The following SPOCK1 variants were observed in gnomAD, a reference collection of about 807,000 sequenced individuals.
SPOCK1 encodes SPARC (osteonectin), cwcv and kazal like domains proteoglycan 1.
SPOCK1 carries 23 observed loss-of-function variants against 55.3 expected under a neutral mutation model. That is an observed-to-expected ratio of 0.42 (90% CI 0.30 to 0.59). SPOCK1 has a LOEUF of 0.59. Among genes scored for constraint, SPOCK1 ranks in the 20% least tolerant of loss-of-function variants. The probability of loss-of-function intolerance (pLI) is 0.22; values close to 1 mark genes in which losing one functional copy is unlikely to be tolerated. For synonymous variants in SPOCK1, 226 were observed against 221.0 expected (o/e 1.02, Z -0.20); for missense variants, 499 against 552.5 (o/e 0.90, Z 0.97).
intron 3 of SPOCK1, among the ~76,000 whole-genome samples, chr5:137,209,893 TA>T: frequency 6.6e-6 from 1 of 152,358 alleles, no homozygotes. Context: ...AATCCATATT[TA>T]TGCTCTTGGG....
intron 4 of SPOCK1, among the ~76,000 whole-genome samples, chr5:137,112,837 A>T (rs1490176416): frequency 1.5e-5 from 2 of 135,464 alleles, no homozygotes; most frequent in Non-Finnish European, 3.2e-5. Flanking sequence ...TTTTTACAAC[A>T]CACAGAAAAA....
intron 2 of SPOCK1, among the ~76,000 whole-genome samples, chr5:137,335,163 G>T (rs1488273789): frequency 6.6e-6 from 1 of 152,160 alleles, no homozygotes; most frequent in Non-Finnish European, 1.5e-5. Context: ...TTCATCAACT[G>T]TATACTTAAA....
chr5:137,036,417 G>A (rs1383087774), intron 6 of SPOCK1, among the ~76,000 whole-genome samples: 3 of 152,046 alleles, frequency 2.0e-5, no homozygotes, highest in Non-Finnish European at 2.9e-5. Flanking sequence ...ATCTGCTCCT[G>A]TGTCCTCCTC....
At chr5:137,144,070 C>G (rs538162202) in intron 3 of SPOCK1, among the ~76,000 whole-genome samples, 1 of 152,262 alleles carries the variant, frequency 6.6e-6, no homozygotes, top group African/African-American at 2.4e-5. Context: ...CCCAGTGCTG[C>G]AGAGGATGGT....
intron 2 of SPOCK1, among the ~76,000 whole-genome samples, chr5:137,272,145 G>C (rs1181401207): frequency 1.3e-5 from 2 of 152,162 alleles, no homozygotes; most frequent in African/African-American, 4.8e-5. Context: ...CCCAGATGGA[G>C]GCACACTCCA....
At chr5:137,112,344 C>T (rs756307706) in intron 5 of SPOCK1, 91 bp downstream of exon 5, 26 of 1,514,214 alleles carry the variant, frequency 1.7e-5, no homozygotes, top group East Asian at 4.6e-5. Flanking sequence ...GAGCCCACCA[C>T]GCTTCCCAAG....
intron 3 of SPOCK1, among the ~76,000 whole-genome samples, chr5:137,174,111 A>T (rs922539432): frequency 6.6e-6 from 1 of 152,200 alleles, no homozygotes; most frequent in Non-Finnish European, 1.5e-5. Context: ...TTATTGTGGT[A>T]CTTCTCACAT....
intron 4 of SPOCK1, among the ~76,000 whole-genome samples, chr5:137,121,499 C>A (rs926053981): frequency 6.6e-5 from 10 of 150,992 alleles, no homozygotes; most frequent in Admixed American, 2.0e-4. Flanking sequence ...GATTCACACA[C>A]TTTGGAACAT....
At chr5:137,310,457 G>A (rs1757770422) in intron 2 of SPOCK1, among the ~76,000 whole-genome samples, 1 of 152,190 alleles carries the variant, frequency 6.6e-6, no homozygotes, top group South Asian at 2.1e-4. Context: ...TTCCCCAGAG[G>A]AGACTACAGT....
intron 2 of SPOCK1, among the ~76,000 whole-genome samples, chr5:137,292,050 G>T (rs1434389762): frequency 6.6e-6 from 1 of 152,214 alleles, no homozygotes; most frequent in African/African-American, 2.4e-5. Context: ...CAAAGGAGCT[G>T]CAGCCAAGAG....
At chr5:137,226,893 G>A (rs935227519) in intron 3 of SPOCK1, among the ~76,000 whole-genome samples, 55 of 152,292 alleles carry the variant, frequency 3.6e-4, no homozygotes, top group African/African-American at 1.3e-3. Flanking sequence ...GTGAGGCCAA[G>A]ATCCATATCT....
intron 2 of SPOCK1, among the ~76,000 whole-genome samples, chr5:137,417,735 G>A (rs768304486): frequency 6.6e-6 from 1 of 151,852 alleles, no homozygotes; most frequent in Non-Finnish European, 1.5e-5. Flanking sequence ...CTTTCTAATT[G>A]CTGGCTAGTA....
chr5:137,199,095 T>C (rs1220747776), intron 3 of SPOCK1, among the ~76,000 whole-genome samples: 1 of 152,210 alleles, frequency 6.6e-6, no homozygotes, highest in Non-Finnish European at 1.5e-5. Context: ...ACTTTTTCAC[T>C]GTTTACTGAG....
intron 5 of SPOCK1, among the ~76,000 whole-genome samples, chr5:137,084,025 G>T (rs1018110076): frequency 2.6e-5 from 4 of 152,136 alleles, no homozygotes; most frequent in African/African-American, 9.6e-5. Context: ...CTGTAAAATG[G>T]GGATAATAAA....
At chr5:137,057,181 T>C (rs1752318031) in intron 6 of SPOCK1, among the ~76,000 whole-genome samples, 1 of 152,128 alleles carries the variant, frequency 6.6e-6, no homozygotes, top group South Asian at 2.1e-4. Context: ...GTCTTTTCTC[T>C]TGCCATAGAG....
chr5:137,270,721 G>T (rs1756945323), intron 2 of SPOCK1, among the ~76,000 whole-genome samples: 1 of 152,156 alleles, frequency 6.6e-6, no homozygotes, highest in Admixed American at 6.5e-5. Flanking sequence ...AAGTTGACAT[G>T]GCCAGGCCCA....
intron 2 of SPOCK1, among the ~76,000 whole-genome samples, chr5:137,480,062 G>A (rs981888548): frequency 4.6e-5 from 7 of 152,188 alleles, no homozygotes; most frequent in African/African-American, 1.2e-4. Context: ...CAAATCTGAT[G>A]TAAGATGGAA....
chr5:137,448,744 A>T (rs1753183435), intron 2 of SPOCK1, among the ~76,000 whole-genome samples: 2 of 151,996 alleles, frequency 1.3e-5, no homozygotes, highest in Admixed American at 1.3e-4. Flanking sequence ...ATGATTTCAA[A>T]CTCCAAACAT....
At chr5:137,287,392 A>G (rs940275266) in intron 2 of SPOCK1, among the ~76,000 whole-genome samples, 1 of 152,196 alleles carries the variant, frequency 6.6e-6, no homozygotes, top group Non-Finnish European at 1.5e-5. Flanking sequence ...TCAGGGCTCG[A>G]CGAGACTTCC....
Sources: gnomAD v4.1 joint callset for allele counts (sites outside exome capture counted in the v4.1 genomes callset) on GRCh38, gnomAD v4.1.1 for gene constraint, MANE v1.5 for transcripts, NCBI Gene and HGNC (gene_info 2026-07-23, HGNC 2026-07-21) for gene names.